Variants in OSBPL10 observed in about 807,000 individuals in gnomAD.
The protein encoded by OSBPL10 is oxysterol binding protein like 10, also known as oxysterol-binding protein-related protein 10.
A neutral mutation model predicts 81.7 loss-of-function variants in OSBPL10; 49 were observed. The observed-to-expected ratio is 0.60, with a 90% confidence interval of 0.48 to 0.76. OSBPL10 has a LOEUF of 0.76. OSBPL10 is among the 30% of genes least tolerant of loss of function. The probability of loss-of-function intolerance (pLI) is 0.00; values close to 1 mark genes in which losing one functional copy is unlikely to be tolerated. For synonymous variants in OSBPL10, 419 were observed against 383.6 expected (o/e 1.09, Z -1.08); for missense variants, 923 against 987.8 (o/e 0.93, Z 0.88).
At chr3:31,958,824 A>G (rs187009664) in intron 1 of OSBPL10, among the ~76,000 whole-genome samples, 3 of 152,294 alleles carry the variant, frequency 2.0e-5, no homozygotes, top group Admixed American at 6.5e-5. Context: ...AGCCATGTCT[A>G]TTTGTTTACA....
chr3:32,007,333 G>C (rs1699214000), intron 2 of OSBPL10, among the ~76,000 whole-genome samples: 1 of 152,128 alleles, frequency 6.6e-6, no homozygotes, highest in Non-Finnish European at 1.5e-5. Flanking sequence ...TCCTGTGGCT[G>C]CTATAACAAA....
intron 4 of OSBPL10, among the ~76,000 whole-genome samples, chr3:31,765,050 C>T (rs1698154782): frequency 2.0e-5 from 3 of 152,046 alleles, no homozygotes; most frequent in African/African-American, 7.2e-5. Flanking sequence ...CAGGGTCTTG[C>T]TCTGTCACCC....
intron 5 of OSBPL10, among the ~76,000 whole-genome samples, chr3:31,747,513 C>T (rs1044492868): frequency 8.7e-6 from 1 of 115,600 alleles, no homozygotes; most frequent in Non-Finnish European, 1.8e-5. Context: ...AAAAAAAACA[C>T]AGAATGCTGA....
chr3:31,945,330 T>C (rs1221563954), intron 1 of OSBPL10, among the ~76,000 whole-genome samples: 1 of 152,110 alleles, frequency 6.6e-6, no homozygotes, highest in Non-Finnish European at 1.5e-5. Context: ...ACCAGTGACA[T>C]GGGGCTCCCA....
chr3:31,669,416 C>G (rs1310087534), intron 9 of OSBPL10, among the ~76,000 whole-genome samples: 1 of 152,018 alleles, frequency 6.6e-6, no homozygotes, highest in Non-Finnish European at 1.5e-5. Flanking sequence ...ATCCTTAAAT[C>G]AGGTCTATTT....
intron 2 of OSBPL10, among the ~76,000 whole-genome samples, chr3:32,041,637 C>CTCTTTCTTTCTTTT (rs892010655): frequency 1.1e-5 from 1 of 89,312 alleles, no homozygotes; most frequent in Non-Finnish European, 3.1e-5. Flanking sequence ...TTCTTTCTTT[C>CTCTTTCTTTCTTTT]TCTTTCTTTC....
At position 31,831,406 on chromosome 3, in the gene OSBPL10, CA is replaced by C. The variant is rs111331865; in HGVS notation, c.538-1176del. Reference sequence around the variant, plus strand: ...GGGCAACAAGAGCGAAACTCCGTCTCAAAAAAAAAAAAAGAAAAGAAAAAAG... The same window carrying C: ...GGGCAACAAGAGCGAAACTCCGTCTCAAAAAAAAAAAAGAAAAGAAAAAAG... On this transcript the variant is annotated intron_variant, in intron 3 of 11. Transcript: ENST00000396556. Among the ~76,000 whole-genome samples the C allele has an allele frequency of 5.5e-3, 601 of 108,952 alleles. 3 individuals are homozygous for C. The highest frequency in any genetic ancestry group is 0.014 in the African/African-American group (420 of 29,950). 71.5% of individuals were successfully genotyped at this position (108,952 alleles called of 152,430 possible).
intron 4 of OSBPL10, among the ~76,000 whole-genome samples, chr3:31,792,847 C>T (rs1221115224): frequency 8.4e-6 from 1 of 118,740 alleles, no homozygotes; most frequent in African/African-American, 3.2e-5. Context: ...GCACTCTCAG[C>T]TATCTAGGCA....
chr3:31,857,051 G>A (rs958931721), intron 3 of OSBPL10, among the ~76,000 whole-genome samples: 8 of 152,180 alleles, frequency 5.3e-5, no homozygotes, highest in Non-Finnish European at 1.0e-4. Context: ...GTGAGACCCT[G>A]CCTTGAAAAA....
rs538247660 is a variant in OSBPL10, at chr3:32,070,159, G to A, written n.185+7237C>T. Among the ~76,000 whole-genome samples the A allele has an allele frequency of 2.4e-3, 364 of 152,202 alleles. 2 individuals carry two copies. Among genetic ancestry groups the A allele is most frequent in the Admixed American group, 5.9e-3 (91 of 15,296 alleles). On this transcript the variant is annotated intron_variant and non_coding_transcript_variant, in intron 1 of 3. Coordinates refer to the OSBPL10 transcript ENST00000479173. ...AACTCTTATGGTGGAGGGTAAGTCC[G>A]TCCCCTATTTAATTGATATGGGGGC...
intron 4 of OSBPL10, among the ~76,000 whole-genome samples, chr3:31,750,106 C>A (rs1697666144): frequency 6.6e-6 from 1 of 152,058 alleles, no homozygotes; most frequent in South Asian, 2.1e-4. Flanking sequence ...CGCTTTAACC[C>A]AGGAGGCAAA....
intron 2 of OSBPL10, chr3:31,991,193 C>T: frequency 1.8e-6 from 1 of 561,060 alleles, no homozygotes; most frequent in Non-Finnish European, 3.2e-6. Flanking sequence ...TACCTGTAAT[C>T]CCAGCACTGT....
intron 1 of OSBPL10, among the ~76,000 whole-genome samples, chr3:31,972,557 A>C (rs1333937238): frequency 6.8e-6 from 1 of 148,074 alleles, no homozygotes; most frequent in Non-Finnish European, 1.5e-5. Context: ...TCAGTCACCT[A>C]ATCTACTCGA....
chr3:31,813,154 G>C (rs1290059318), intron 4 of OSBPL10, among the ~76,000 whole-genome samples: 2 of 152,174 alleles, frequency 1.3e-5, no homozygotes, highest in African/African-American at 4.8e-5. Context: ...ATCAAAGAAT[G>C]AAAGTAGCTG....
chr3:31,733,327 C>G lies in OSBPL10; in HGVS notation c.1025G>C (p.Ser342Thr). 6.2e-7 allele frequency: 1 copy of G among 1,613,560 alleles called. No individual in the cohort carries two copies. Among genetic ancestry groups the G allele is most frequent in the South Asian group, 1.1e-5 (1 of 90,784 alleles). ...NGTLGSLPSA[S>T]ANITWAILPN... ...TAAAATTGCCCAGGTTATGTTGGCACTGGCTGATGGCAAAGAGCCAAGTGT... is the reference window on the plus strand; with the variant it reads ...TAAAATTGCCCAGGTTATGTTGGCAGTGGCTGATGGCAAAGAGCCAAGTGT... Residue 342 changes from serine (S) to threonine (T), a missense_variant, in exon 6 of 12, where the codon AGT becomes ACT. Ser to Thr is a moderately conservative substitution (Grantham distance 58, BLOSUM62 1). Coordinates refer to ENST00000396556, the MANE Select transcript of OSBPL10 (RefSeq NM_017784.5).
chr3:31,839,828 A>C (rs1241846227), intron 3 of OSBPL10, among the ~76,000 whole-genome samples: 1 of 145,140 alleles, frequency 6.9e-6, no homozygotes, highest in Non-Finnish European at 1.5e-5. Flanking sequence ...GACAACAGCC[A>C]GGCAAGCCAG....
intron 4 of OSBPL10, among the ~76,000 whole-genome samples, chr3:31,787,544 G>C (rs1162367661): frequency 6.6e-6 from 1 of 151,110 alleles, no homozygotes; most frequent in Non-Finnish European, 1.5e-5. Flanking sequence ...GCAGTGAGCC[G>C]AGATTGCGCC....
intron 3 of OSBPL10, among the ~76,000 whole-genome samples, chr3:31,831,671 A>T (rs562170331): frequency 7.2e-5 from 11 of 152,338 alleles, no homozygotes; most frequent in African/African-American, 2.4e-4. Context: ...GATAAATGTA[A>T]ATTCAAACTA....
intron 1 of OSBPL10, among the ~76,000 whole-genome samples, chr3:31,956,280 C>T (rs1419116910): frequency 1.3e-5 from 2 of 152,104 alleles, no homozygotes; most frequent in African/African-American, 2.4e-5. Flanking sequence ...AGAGGGAGGG[C>T]AAAGGAGGAC....
Sources: allele counts gnomAD v4.1 joint callset (sites outside exome capture counted in the v4.1 genomes callset), GRCh38; gene constraint gnomAD v4.1.1; transcripts MANE v1.5; gene names NCBI Gene and HGNC (gene_info 2026-07-23, HGNC 2026-07-21).